PAX3: variants seen among roughly 807,000 people sequenced by gnomAD.
The protein encoded by PAX3 is paired box 3.
In PAX3, 14 loss-of-function variants were observed where a neutral mutation model predicts 51.6. That is an observed-to-expected ratio of 0.27 (90% CI 0.18 to 0.42). The LOEUF (loss-of-function observed/expected upper bound fraction) is 0.42. Among genes scored for constraint, PAX3 ranks in the 10% least tolerant of loss-of-function variants. The pLI, the probability that PAX3 is intolerant of heterozygous loss-of-function variation, is 1.00. For missense variants in PAX3, 540 were observed against 642.8 expected (o/e 0.84, Z 1.73); for synonymous variants, 280 against 253.4 (o/e 1.11, Z -1.00).
At chr2:222,232,373 C>A in intron 4 of PAX3, 90 bp from the exon 5 acceptor site, 1 of 1,116,960 alleles carries the variant, frequency 9.0e-7, no homozygotes, top group Non-Finnish European at 1.3e-6. Flanking sequence ...GACTGCAAGA[C>A]ACCATTACAG....
At chr2:222,215,652 A>C (rs1340489182) in intron 7 of PAX3, among the ~76,000 whole-genome samples, 1 of 152,134 alleles carries the variant, frequency 6.6e-6, no homozygotes, top group Non-Finnish European at 1.5e-5. Flanking sequence ...TTAGCCTCAC[A>C]TCTTGAGCAT....
chr2:222,221,468 A>C, intron 5 of PAX3, 81 bp from the exon 6 acceptor site: 1 of 1,307,108 alleles, frequency 7.7e-7, no homozygotes. Context: ...GCTAAAACAG[A>C]TTAGAGGCTT....
intron 4 of PAX3, among the ~76,000 whole-genome samples, chr2:222,236,870 C>T (rs367806424): frequency 2.6e-5 from 4 of 152,114 alleles, no homozygotes; most frequent in African/African-American, 9.7e-5. Flanking sequence ...ATTTGAAATT[C>T]CAGAATAGAT....
chr2:222,219,753 C>A (rs2106070818), intron 7 of PAX3, among the ~76,000 whole-genome samples: 1 of 152,200 alleles, frequency 6.6e-6, no homozygotes, highest in East Asian at 1.9e-4. Flanking sequence ...AAAACCTTAT[C>A]AATTGATTGA....
chr2:222,284,891 A>T (rs890752913), intron 4 of PAX3, among the ~76,000 whole-genome samples: 2 of 152,260 alleles, frequency 1.3e-5, no homozygotes, highest in African/African-American at 4.8e-5. Flanking sequence ...TGAAGTTCAA[A>T]AGGTCACAAC....
intron 4 of PAX3, among the ~76,000 whole-genome samples, chr2:222,259,402 T>C (rs1253398671): frequency 6.6e-6 from 1 of 152,176 alleles, no homozygotes; most frequent in Non-Finnish European, 1.5e-5. Context: ...GGCCAAGAGA[T>C]TGTACAAAAC....
intron 4 of PAX3, among the ~76,000 whole-genome samples, chr2:222,293,468 C>T (rs536039998): frequency 1.6e-4 from 25 of 152,138 alleles, no homozygotes; most frequent in Non-Finnish European, 2.8e-4. Flanking sequence ...AGTGCACAGC[C>T]GAAAAGGAAT....
intron 4 of PAX3, among the ~76,000 whole-genome samples, chr2:222,238,668 C>T (rs1447202490): frequency 6.6e-6 from 1 of 152,130 alleles, no homozygotes. Context: ...TGGCCTCATA[C>T]CAAACCCGAT....
At chr2:222,246,664 C>T (rs991469556) in intron 4 of PAX3, among the ~76,000 whole-genome samples, 4 of 151,974 alleles carry the variant, frequency 2.6e-5, no homozygotes, top group Non-Finnish European at 4.4e-5. Flanking sequence ...TGTGTTTCTT[C>T]GCATTCTTTT....
intron 4 of PAX3, among the ~76,000 whole-genome samples, chr2:222,238,941 C>T (rs1039198520): frequency 1.2e-4 from 19 of 152,138 alleles, no homozygotes; most frequent in African/African-American, 4.1e-4. Context: ...TGCCATTCAA[C>T]GTGAAGGGTA....
intron 4 of PAX3, among the ~76,000 whole-genome samples, chr2:222,271,849 G>T (rs1182534747): frequency 6.6e-6 from 1 of 152,134 alleles, no homozygotes; most frequent in Admixed American, 6.5e-5. Flanking sequence ...CTGAAATTCA[G>T]TTCCACATGA....
At chr2:222,268,081 T>C (rs1694114708) in intron 4 of PAX3, among the ~76,000 whole-genome samples, 1 of 152,236 alleles carries the variant, frequency 6.6e-6, no homozygotes, top group African/African-American at 2.4e-5. Context: ...GATCTATTAC[T>C]GTCCCTCCAA....
chr2:222,213,421 G>A (rs1313457294), intron 7 of PAX3, among the ~76,000 whole-genome samples: 1 of 152,132 alleles, frequency 6.6e-6, no homozygotes, highest in Non-Finnish European at 1.5e-5. Context: ...TGGCAGAATG[G>A]AAACCTCCAA....
chr2:222,219,426 C>A (rs1473361996), intron 7 of PAX3, among the ~76,000 whole-genome samples: 1 of 152,204 alleles, frequency 6.6e-6, no homozygotes, highest in African/African-American at 2.4e-5. Context: ...ATAATGTCAA[C>A]CTCAGACAGA....
At chr2:222,260,264 C>A (rs1693791766) in intron 4 of PAX3, among the ~76,000 whole-genome samples, 1 of 151,006 alleles carries the variant, frequency 6.6e-6, no homozygotes, top group Admixed American at 6.6e-5. Context: ...GAAAAAAAAA[C>A]TATAGAAAAA....
intron 7 of PAX3, among the ~76,000 whole-genome samples, chr2:222,204,653 C>T (rs1254589774): frequency 6.6e-6 from 1 of 151,984 alleles, no homozygotes; most frequent in Admixed American, 6.6e-5. Context: ...AATAATCGCA[C>T]AGGGCAAATA....
intron 4 of PAX3, among the ~76,000 whole-genome samples, chr2:222,280,333 A>C: frequency 9.4e-6 from 1 of 106,440 alleles, no homozygotes; most frequent in African/African-American, 3.6e-5. Flanking sequence ...AGGGGAGGGG[A>C]GGGAGGAAGG....
At chr2:222,285,656 C>G (rs987544024) in intron 4 of PAX3, among the ~76,000 whole-genome samples, 3 of 152,206 alleles carry the variant, frequency 2.0e-5, no homozygotes, top group Non-Finnish European at 2.9e-5. Flanking sequence ...TAGCAATTAA[C>G]TTTTCTTTCT....
chr2:222,238,786 G>A (rs758817457), intron 4 of PAX3, among the ~76,000 whole-genome samples: 1 of 152,136 alleles, frequency 6.6e-6, no homozygotes, highest in Non-Finnish European at 1.5e-5. Flanking sequence ...TCCTTCCTGA[G>A]AGCTCCATGA....
Sources: gnomAD v4.1 joint callset for allele counts (sites outside exome capture counted in the v4.1 genomes callset) on GRCh38, gnomAD v4.1.1 for gene constraint, MANE v1.5 for transcripts, NCBI Gene and HGNC (gene_info 2026-07-23, HGNC 2026-07-21) for gene names.